Variants in TVP23C observed in about 807,000 individuals in gnomAD.
TVP23C encodes trans-golgi network vesicle protein 23 homolog C, also known as Golgi apparatus membrane protein TVP23 homolog C.
Under a neutral mutation model 28.7 loss-of-function variants are expected in TVP23C, and 19 were observed. That is an observed-to-expected ratio of 0.66 (90% CI 0.46 to 0.97). The LOEUF is 0.97. Ranked by LOEUF, TVP23C falls within the 50% of genes least tolerant of loss-of-function variation. The pLI, the probability that TVP23C is intolerant of heterozygous loss-of-function variation, is 0.00. For synonymous variants in TVP23C, 68 were observed against 81.7 expected, an observed-to-expected ratio of 0.83 and a Z score of 0.90; for missense variants, 186 against 241.3, an observed-to-expected ratio of 0.77 and a Z score of 1.52.
At chr17:15,503,869 T>C (rs1051178100) in intron 5 of TVP23C, among the ~76,000 whole-genome samples, 1 of 151,712 alleles carries the variant, frequency 6.6e-6, no homozygotes, top group African/African-American at 2.4e-5. Context: ...TGAGTTATGG[T>C]AGGGTTCTAG....
Position 15,555,273 on chromosome 17 carries a change from T to G in TVP23C, c.95+9A>C, listed in dbSNP as rs755160911. ...ACACTAACACAGCTCATGCAACTTC[T>G]CCTCCTACCTGATTTTGGCTTTTCT... On this transcript the variant is annotated intron_variant, in intron 2 of 5. Transcript: ENST00000518321. 9 of 1,613,962 alleles carry G rather than the reference T, an allele frequency of 5.6e-6. No homozygotes were observed. Among genetic ancestry groups the G allele is most frequent in the Non-Finnish European group, 7.6e-6 (9 of 1,179,864 alleles).
chr17:15,542,637 C>A (rs1489425229), intron 5 of TVP23C, among the ~76,000 whole-genome samples: 1 of 151,814 alleles, frequency 6.6e-6, no homozygotes, highest in South Asian at 2.1e-4. Context: ...CCACCACACC[C>A]GGCTAATTTT....
At chr17:15,524,375 C>G (rs564500655) in intron 5 of TVP23C, among the ~76,000 whole-genome samples, 20 of 152,156 alleles carry the variant, frequency 1.3e-4, no homozygotes, top group African/African-American at 4.3e-4. Context: ...CAGCTCTGTT[C>G]TAGGTACTTT....
intron 1 of TVP23C, among the ~76,000 whole-genome samples, chr17:15,560,709 C>A (rs1407474731): frequency 6.7e-6 from 1 of 148,396 alleles, no homozygotes; most frequent in Non-Finnish European, 1.5e-5. Context: ...CTGCCCACCA[C>A]CACCCCTGGC....
chr17:15,553,137 A>C (rs891236989), intron 3 of TVP23C, among the ~76,000 whole-genome samples: 4 of 140,194 alleles, frequency 2.9e-5, no homozygotes, highest in Non-Finnish European at 6.1e-5. Context: ...AGATGTCAAT[A>C]GCACACTCCT....
At chr17:15,511,709 C>CATTCCATAATGAG (rs1982013802) in intron 5 of TVP23C, among the ~76,000 whole-genome samples, 1 of 152,112 alleles carries the variant, frequency 6.6e-6, no homozygotes, top group Admixed American at 6.5e-5. Context: ...TTCCCTTGTC[C>CATTCCATAATGAG]CCACTCAATG....
intron 3 of TVP23C, among the ~76,000 whole-genome samples, chr17:15,550,795 C>T (rs957801202): frequency 4.6e-5 from 7 of 151,980 alleles, no homozygotes; most frequent in African/African-American, 9.7e-5. Context: ...TCTTTGCCTT[C>T]TTTTATTTTT....
At chr17:15,511,527 C>T (rs925273260) in intron 5 of TVP23C, among the ~76,000 whole-genome samples, 1 of 152,164 alleles carries the variant, frequency 6.6e-6, no homozygotes, top group African/African-American at 2.4e-5. Context: ...ATTTAAAGTA[C>T]TAGTAGAGTT....
chr17:15,510,690 C>T (rs961374516), intron 5 of TVP23C, among the ~76,000 whole-genome samples: 2 of 152,154 alleles, frequency 1.3e-5, no homozygotes, highest in African/African-American at 4.8e-5. Flanking sequence ...AGCAACATGT[C>T]AGTGCTTTTA....
At chr17:15,549,256 A>G (rs1282446214) in intron 3 of TVP23C, among the ~76,000 whole-genome samples, 4 of 152,150 alleles carry the variant, frequency 2.6e-5, no homozygotes, top group East Asian at 1.9e-4. Context: ...AGAAAGTACA[A>G]TCTATGGATT....
At chr17:15,527,260 G>C (rs1443831875) in intron 5 of TVP23C, among the ~76,000 whole-genome samples, 1 of 152,136 alleles carries the variant, frequency 6.6e-6, no homozygotes, top group East Asian at 1.9e-4. Context: ...CCATGTTTCA[G>C]AGCAAAGCCC....
At chr17:15,514,406 A>G (rs1265679545) in intron 5 of TVP23C, among the ~76,000 whole-genome samples, 3 of 152,356 alleles carry the variant, frequency 2.0e-5, no homozygotes, top group African/African-American at 7.2e-5. Flanking sequence ...ACTGCATGTT[A>G]AAATGTTTGT....
At chr17:15,520,072 C>T (rs543319837) in intron 5 of TVP23C, among the ~76,000 whole-genome samples, 1 of 150,878 alleles carries the variant, frequency 6.6e-6, no homozygotes, top group African/African-American at 2.5e-5. Context: ...AGCATGCTTG[C>T]TCAGTGCCTT....
chr17:15,516,069 G>T (rs1982214038), intron 5 of TVP23C, among the ~76,000 whole-genome samples: 1 of 152,128 alleles, frequency 6.6e-6, no homozygotes, highest in South Asian at 2.1e-4. Flanking sequence ...GCTCCCTGAG[G>T]CCTCCCCAGA....
chr17:15,552,226 T>C (rs1284010780), intron 3 of TVP23C, among the ~76,000 whole-genome samples: 3 of 152,170 alleles, frequency 2.0e-5, no homozygotes, highest in African/African-American at 7.2e-5. Context: ...ACTAAATACT[T>C]TGGAGCATAA....
intron 5 of TVP23C, among the ~76,000 whole-genome samples, chr17:15,519,979 GA>G (rs771124464): frequency 1.4e-4 from 21 of 152,196 alleles, no homozygotes; most frequent in Middle Eastern, 3.4e-3. Context: ...ACCAAACTAT[GA>G]AAAACTTTAA....
At chr17:15,532,066 C>T (rs2150842835), downstream of TVP23C, among the ~76,000 whole-genome samples, 2 of 152,206 alleles carry the variant, frequency 1.3e-5, no homozygotes, top group East Asian at 3.9e-4. Context: ...CAGGGATTTC[C>T]TTAAGTGGTT....
At chr17:15,515,691 T>C (rs1982195823) in intron 5 of TVP23C, among the ~76,000 whole-genome samples, 1 of 152,162 alleles carries the variant, frequency 6.6e-6, no homozygotes, top group Admixed American at 6.5e-5. Context: ...GAGACCCTAA[T>C]GATCCTAAAT....
At chr17:15,503,236 C>CA (rs1981567629) in intron 5 of TVP23C, 4 of 1,484,122 alleles carry the variant, frequency 2.7e-6, no homozygotes, top group Non-Finnish European at 3.6e-6. Flanking sequence ...ACCGTCTCTA[C>CA]AAAAAATAAA....
Sources: allele counts gnomAD v4.1 joint callset (sites outside exome capture counted in the v4.1 genomes callset), GRCh38; gene constraint gnomAD v4.1.1; transcripts MANE v1.5; gene names NCBI Gene and HGNC (gene_info 2026-07-23, HGNC 2026-07-21).